TSHZ2: variants seen among roughly 807,000 people sequenced by gnomAD.
TSHZ2 encodes the protein teashirt zinc finger homeobox 2, also known as teashirt homolog 2.
In TSHZ2, 21 loss-of-function variants were observed where a neutral mutation model predicts 74.4. That is an observed-to-expected ratio of 0.28 (90% CI 0.20 to 0.41). The LOEUF is 0.41. Among genes scored for constraint, TSHZ2 ranks in the 10% least tolerant of loss-of-function variants. The pLI, the probability that TSHZ2 is intolerant of heterozygous loss-of-function variation, is 1.00. For synonymous variants in TSHZ2, 540 were observed against 515.3 expected (o/e 1.05, Z -0.65); for missense variants, 1,244 against 1,293.5 (o/e 0.96, Z 0.59).
chr20:53,481,866 G>T (rs62206388), intron 2 of TSHZ2, among the ~76,000 whole-genome samples: 2 of 152,046 alleles, frequency 1.3e-5, no homozygotes, highest in African/African-American at 4.8e-5. Context: ...CACTTCAGGA[G>T]GCCGAGGTGG....
chr20:53,115,244 G>T (rs950071564), intron 1 of TSHZ2, among the ~76,000 whole-genome samples: 1 of 152,196 alleles, frequency 6.6e-6, no homozygotes, highest in African/African-American at 2.4e-5. Context: ...GTAGCAATAT[G>T]GTTTGGCTGT....
intron 1 of TSHZ2, among the ~76,000 whole-genome samples, chr20:53,203,196 T>G (rs1052941360): frequency 1.3e-5 from 2 of 150,238 alleles, no homozygotes; most frequent in Non-Finnish European, 3.0e-5. Flanking sequence ...CTCAAATTTT[T>G]TTTTTTTTTT....
At chr20:53,119,924 A>C (rs1986764496) in intron 1 of TSHZ2, among the ~76,000 whole-genome samples, 1 of 152,224 alleles carries the variant, frequency 6.6e-6, no homozygotes, top group Non-Finnish European at 1.5e-5. Flanking sequence ...AGATGTAGCC[A>C]AGAGTCTCTA....
At chr20:53,209,728 C>T (rs761061760) in intron 1 of TSHZ2, among the ~76,000 whole-genome samples, 1 of 152,132 alleles carries the variant, frequency 6.6e-6, no homozygotes, top group Admixed American at 6.5e-5. Context: ...TGGAGCCGAG[C>T]TGAACTGAAA....
Position 53,469,869 on chromosome 20 carries a change from C to T in TSHZ2, c.*9-17275C>T, listed in dbSNP as rs1277842261. Among the ~76,000 whole-genome samples the T allele has an allele frequency of 8.7e-5, 11 of 125,738 alleles. 2 individuals are homozygous for T. The East Asian group carries it at 2.4e-3, about 27-fold the overall frequency. 82.5% of individuals were successfully genotyped at this position (125,738 alleles called of 152,430 possible). A position where few individuals can be genotyped will look rare whatever the true frequency, so the allele number is the denominator to read the frequency against. On this transcript the variant is annotated intron_variant, in intron 2 of 2. Coordinates refer to ENST00000371497, the MANE Select transcript of TSHZ2 (RefSeq NM_173485.6). Reference sequence around the variant, plus strand: ...GGGAGGGAGGAAGGAAGGAAGGACCCAAGAAAGAAAAAAAAGAGAGAGAGG... The same window carrying T: ...GGGAGGGAGGAAGGAAGGAAGGACCTAAGAAAGAAAAAAAAGAGAGAGAGG...
At chr20:52,989,249 G>A (rs1220963403) in intron 1 of TSHZ2, among the ~76,000 whole-genome samples, 4 of 149,288 alleles carry the variant, frequency 2.7e-5, no homozygotes, top group African/African-American at 9.8e-5. Flanking sequence ...TTCCTTTTTA[G>A]TGGGTCACAT....
At chr20:53,138,929 G>T (rs1441850667) in intron 1 of TSHZ2, among the ~76,000 whole-genome samples, 1 of 152,218 alleles carries the variant, frequency 6.6e-6, no homozygotes, top group South Asian at 2.1e-4. Context: ...GAATAGCTGA[G>T]TGAATCAAGG....
In TSHZ2 at chr20:53,067,593, T is replaced by G. The variant is rs1310633420; in HGVS notation, c.40+94260T>G. 4.6e-5 allele frequency among the ~76,000 whole-genome samples: 7 copies of G among 152,312 alleles called. No homozygotes were observed. The East Asian group carries it at 1.4e-3, about 29-fold the overall frequency. On this transcript the variant is annotated intron_variant, in intron 1 of 2. Transcript: ENST00000371497. ...GCGCCTCACTCCCAGAATGCACAGT[T>G]CTCCCAAGCTGCTTCCAGAGCCTTC... is the stretch of plus-strand genomic sequence containing the variant.
chr20:53,427,367 G>A (rs945168377), intron 2 of TSHZ2, among the ~76,000 whole-genome samples: 1 of 152,160 alleles, frequency 6.6e-6, no homozygotes, highest in Non-Finnish European at 1.5e-5. Context: ...GTGGAGAGAC[G>A]CGAGGTATGA....
intron 2 of TSHZ2, among the ~76,000 whole-genome samples, chr20:53,260,525 G>T (rs1485169936): frequency 6.6e-6 from 1 of 152,194 alleles, no homozygotes; most frequent in African/African-American, 2.4e-5. Context: ...AATGCTGAAA[G>T]GAGCACACAG....
At chr20:53,192,117 G>A (rs974957204) in intron 1 of TSHZ2, among the ~76,000 whole-genome samples, 3 of 152,266 alleles carry the variant, frequency 2.0e-5, no homozygotes, top group Admixed American at 2.0e-4. Flanking sequence ...TTGGTTTTAT[G>A]AACAGGGAAA....
intron 2 of TSHZ2, among the ~76,000 whole-genome samples, chr20:53,458,990 G>A (rs1985234118): frequency 6.6e-6 from 1 of 152,076 alleles, no homozygotes; most frequent in African/African-American, 2.4e-5. Flanking sequence ...CAAGTATGTG[G>A]TCAATTTTGG....
intron 1 of TSHZ2, among the ~76,000 whole-genome samples, chr20:52,997,568 T>C (rs952061425): frequency 7.3e-6 from 1 of 137,294 alleles, no homozygotes; most frequent in Admixed American, 7.1e-5. Context: ...AAACCTAACC[T>C]GATAAAAGAA....
intron 1 of TSHZ2, among the ~76,000 whole-genome samples, chr20:53,200,599 T>TA (rs1334091195): frequency 6.6e-6 from 1 of 152,256 alleles, no homozygotes; most frequent in African/African-American, 2.4e-5. Flanking sequence ...GGATGTTCTG[T>TA]AAGACTTCTT....
At chr20:53,145,344 C>G (rs1987514013) in intron 1 of TSHZ2, among the ~76,000 whole-genome samples, 1 of 152,200 alleles carries the variant, frequency 6.6e-6, no homozygotes, top group South Asian at 2.1e-4. Context: ...TTTTCCTGCA[C>G]AAGATAATAG....
intron 2 of TSHZ2, among the ~76,000 whole-genome samples, chr20:53,457,824 T>C (rs1442732653): frequency 4.6e-5 from 7 of 151,886 alleles, no homozygotes; most frequent in Non-Finnish European, 1.5e-5. Context: ...AATCATGTGG[T>C]TTTTGTCTTT....
chr20:53,148,382 C>T (rs946464680), intron 1 of TSHZ2, among the ~76,000 whole-genome samples: 1 of 152,150 alleles, frequency 6.6e-6, no homozygotes, highest in African/African-American at 2.4e-5. Context: ...CCACAGTGCA[C>T]AGGACACCGC....
chr20:53,190,086 AATATATATATATATATATATATAT>A (rs544193424), intron 1 of TSHZ2, among the ~76,000 whole-genome samples: 1,496 of 25,126 alleles, frequency 0.06, 166 homozygotes, highest in Middle Eastern at 0.12. Flanking sequence ...CCCTGTCTCA[AATATATATATATATATATATATAT>A]ATATATATAT....
At chr20:53,167,418 AAT>A (rs1988088516) in intron 1 of TSHZ2, among the ~76,000 whole-genome samples, 1 of 152,232 alleles carries the variant, frequency 6.6e-6, no homozygotes, top group African/African-American at 2.4e-5. Context: ...ACTTTCCTAA[AAT>A]CACAGGTAGG....
Sources: gnomAD v4.1 joint callset for allele counts (sites outside exome capture counted in the v4.1 genomes callset) on GRCh38, gnomAD v4.1.1 for gene constraint, MANE v1.5 for transcripts, NCBI Gene and HGNC (gene_info 2026-07-23, HGNC 2026-07-21) for gene names.